The following RUNX2 variants were observed in gnomAD, a reference collection of about 807,000 sequenced individuals.
The protein encoded by RUNX2 is runt-related transcription factor 2.
A neutral mutation model predicts 51.7 loss-of-function variants in RUNX2; 10 were observed. That is an observed-to-expected ratio of 0.19 (90% CI 0.12 to 0.33). RUNX2 has a LOEUF of 0.33. RUNX2 is among the 10% of genes least tolerant of loss of function. The pLI, the probability that RUNX2 is intolerant of heterozygous loss-of-function variation, is 1.00. For synonymous variants in RUNX2, 276 were observed against 273.6 expected (o/e 1.01, Z -0.09); for missense variants, 562 against 691.3 (o/e 0.81, Z 2.10).
intron 2 of RUNX2, among the ~76,000 whole-genome samples, chr6:45,381,826 G>A (rs1582053701): frequency 6.6e-6 from 1 of 152,282 alleles, no homozygotes; most frequent in African/African-American, 2.4e-5. Context: ...TTATTAAGGT[G>A]TAATCAAATT....
intron 7 of RUNX2, among the ~76,000 whole-genome samples, chr6:45,517,907 C>G (rs1801381893): frequency 6.6e-6 from 1 of 152,134 alleles, no homozygotes; most frequent in South Asian, 2.1e-4. Context: ...AACCCAGTCT[C>G]TATCAAGTCC....
intron 2 of RUNX2, among the ~76,000 whole-genome samples, chr6:45,395,687 G>C (rs1797566781): frequency 6.6e-6 from 1 of 152,000 alleles, no homozygotes; most frequent in Non-Finnish European, 1.5e-5. Context: ...TTTGAGACAG[G>C]GTCTTGTTCT....
chr6:45,384,706 CTTTT>C (rs56307239), intron 2 of RUNX2, among the ~76,000 whole-genome samples: 5 of 61,202 alleles, frequency 8.2e-5, no homozygotes, highest in South Asian at 6.9e-4. Context: ...ATTAGGGTGT[CTTTT>C]TTTTTTTTTT....
intron 6 of RUNX2, among the ~76,000 whole-genome samples, chr6:45,511,482 G>A (rs915578911): frequency 3.3e-5 from 5 of 152,176 alleles, no homozygotes; most frequent in African/African-American, 1.2e-4. Flanking sequence ...CATTGAAACT[G>A]GCTGGTGATG....
At chr6:45,472,984 T>A (rs1211574305) in intron 5 of RUNX2, among the ~76,000 whole-genome samples, 1 of 152,192 alleles carries the variant, frequency 6.6e-6, no homozygotes, top group Admixed American at 6.5e-5. Flanking sequence ...ACCCAGCTAG[T>A]GTAATAAAAT....
At chr6:45,374,601 CTTT>C (rs1024849936) in intron 2 of RUNX2, among the ~76,000 whole-genome samples, 1 of 152,196 alleles carries the variant, frequency 6.6e-6, no homozygotes, top group African/African-American at 2.4e-5. Context: ...CAAAACCCTT[CTTT>C]AACATTCTAA....
chr6:45,410,572 GC>G (rs1797928633), intron 2 of RUNX2, among the ~76,000 whole-genome samples: 1 of 152,078 alleles, frequency 6.6e-6, no homozygotes, highest in African/African-American at 2.4e-5. Context: ...TGTTAACATG[GC>G]TCCAGGGGAC....
At chr6:45,455,719 T>C (rs543879173) in intron 5 of RUNX2, among the ~76,000 whole-genome samples, 1 of 152,306 alleles carries the variant, frequency 6.6e-6, no homozygotes, top group East Asian at 1.9e-4. Flanking sequence ...GAGACTCCCG[T>C]GACAATCAGC....
intron 2 of RUNX2, among the ~76,000 whole-genome samples, chr6:45,352,352 A>C (rs1480272224): frequency 6.6e-6 from 1 of 152,134 alleles, no homozygotes; most frequent in Non-Finnish European, 1.5e-5. Context: ...TCAGAAAAGA[A>C]AGTGTATCAA....
At chr6:45,498,862 G>A (rs1466595877) in intron 6 of RUNX2, among the ~76,000 whole-genome samples, 2 of 152,218 alleles carry the variant, frequency 1.3e-5, no homozygotes, top group African/African-American at 4.8e-5. Flanking sequence ...GCACAGCTGA[G>A]TTGCATGTGT....
intron 6 of RUNX2, among the ~76,000 whole-genome samples, chr6:45,504,866 G>A (rs1226402232): frequency 6.6e-6 from 1 of 152,144 alleles, no homozygotes; most frequent in African/African-American, 2.4e-5. Context: ...GGTTTACACA[G>A]CCTGATTTGA....
In RUNX2 at chr6:45,420,732, T is replaced by C. The variant is rs115408433; in HGVS notation, c.59-1861T>C. On this transcript the variant is annotated intron_variant, in intron 2 of 8. Transcript: ENST00000647337. The stretch of plus-strand genomic sequence containing the variant: ...CAACGCCGAGGGTAAAACGGCCCTG[T>C]GCCCCCTTCTTGGGGTGTAATAGCC... Among the ~76,000 whole-genome samples, 639 of 152,320 alleles carry C rather than the reference T, an allele frequency of 4.2e-3. 3 individuals are homozygous for C. Among genetic ancestry groups the C allele is most frequent in the Non-Finnish European group, 7.1e-3 (486 of 68,026 alleles).
At chr6:45,400,752 C>CTCTCTGTG (rs1797699909) in intron 2 of RUNX2, among the ~76,000 whole-genome samples, 1 of 152,128 alleles carries the variant, frequency 6.6e-6, no homozygotes, top group African/African-American at 2.4e-5. Context: ...TTCACAAAGA[C>CTCTCTGTG]TCTCTGTGTG....
chr6:45,455,240 AT>A (rs1799288609), intron 5 of RUNX2, among the ~76,000 whole-genome samples: 1 of 152,266 alleles, frequency 6.6e-6, no homozygotes, highest in South Asian at 2.1e-4. Flanking sequence ...GTACAATAGC[AT>A]CTTAAATCCC....
At chr6:45,484,117 C>T (rs774106697) in intron 5 of RUNX2, among the ~76,000 whole-genome samples, 1 of 152,142 alleles carries the variant, frequency 6.6e-6, no homozygotes, top group Non-Finnish European at 1.5e-5. Flanking sequence ...CTAAGACCAA[C>T]AGGGTTCCAT....
chr6:45,331,589 C>T (rs917267600), intron 2 of RUNX2, among the ~76,000 whole-genome samples: 1 of 151,844 alleles, frequency 6.6e-6, no homozygotes, highest in African/African-American at 2.4e-5. Flanking sequence ...CCCAAAGACT[C>T]ATATAAATTA....
intron 2 of RUNX2, among the ~76,000 whole-genome samples, chr6:45,358,745 G>A (rs1793702277): frequency 1.3e-5 from 2 of 152,022 alleles, no homozygotes; most frequent in African/African-American, 2.4e-5. Flanking sequence ...AGTTAATACT[G>A]TACATAAATC....
chr6:45,372,078 C>G, intron 2 of RUNX2: 1 of 934,524 alleles, frequency 1.1e-6, no homozygotes, highest in Non-Finnish European at 1.3e-6. Flanking sequence ...GTGTATGTCA[C>G]AGTGAACTGT....
At chr6:45,378,545 C>A (rs993839021) in intron 2 of RUNX2, among the ~76,000 whole-genome samples, 1 of 152,216 alleles carries the variant, frequency 6.6e-6, no homozygotes, top group African/African-American at 2.4e-5. Flanking sequence ...CTACCCTGAC[C>A]TCGCACAGAA....
Sources: gnomAD v4.1 joint callset for allele counts (sites outside exome capture counted in the v4.1 genomes callset) on GRCh38, gnomAD v4.1.1 for gene constraint, MANE v1.5 for transcripts, NCBI Gene and HGNC (gene_info 2026-07-23, HGNC 2026-07-21) for gene names.